Variants in EBF3 observed in about 807,000 individuals in gnomAD.
The protein encoded by EBF3 is transcription factor COE3.
EBF3 carries 18 observed loss-of-function variants against 77.1 expected under a neutral mutation model. The ratio of observed to expected loss-of-function variants is 0.23; its 90% CI spans 0.16 to 0.35. The LOEUF (loss-of-function observed/expected upper bound fraction) is 0.35. Among genes scored for constraint, EBF3 ranks in the 10% least tolerant of loss-of-function variants. The pLI is 1.00. For missense variants in EBF3, 558 were observed against 860.0 expected (o/e 0.65, Z 4.39); for synonymous variants, 350 against 343.5 (o/e 1.02, Z -0.21).
chr10:129,957,474 C>T (rs914574162), intron 5 of EBF3, 148 bp from the exon 6 acceptor site: 11 of 630,090 alleles, frequency 1.7e-5, no homozygotes, highest in African/African-American at 7.4e-5. Flanking sequence ...AGTGAGTTCA[C>T]GTGTTCTGCG....
chr10:129,889,063 T>C (rs547363481), intron 6 of EBF3, among the ~76,000 whole-genome samples: 1 of 152,196 alleles, frequency 6.6e-6, no homozygotes, highest in East Asian at 1.9e-4. Flanking sequence ...CAAGAGCTCA[T>C]GGGAAGGAAC....
At chr10:129,908,521 G>A (rs923273801) in intron 6 of EBF3, among the ~76,000 whole-genome samples, 3 of 152,196 alleles carry the variant, frequency 2.0e-5, no homozygotes, top group Non-Finnish European at 1.5e-5. Context: ...AAGGGGACAC[G>A]GGCTAGAGGA....
intron 6 of EBF3, among the ~76,000 whole-genome samples, chr10:129,930,391 T>G (rs1213488476): frequency 2.6e-5 from 4 of 151,426 alleles, no homozygotes; most frequent in Non-Finnish European, 2.9e-5. Context: ...TACCTATATC[T>G]ATACCTGTCT....
intron 6 of EBF3, among the ~76,000 whole-genome samples, chr10:129,919,113 G>A (rs562171898): frequency 1.7e-4 from 26 of 152,316 alleles, no homozygotes; most frequent in Admixed American, 3.9e-4. Context: ...GGGCGAGTAC[G>A]CAGGTGACCA....
chr10:129,877,952 C>A lies in EBF3; in HGVS notation c.555-103G>T. The A allele has an allele frequency of 2.4e-6, 2 of 835,868 alleles. 1 individual carries two copies. Among genetic ancestry groups the A allele is most frequent in the Non-Finnish European group, 3.7e-6 (2 of 539,154 alleles). The allele number at this position is 835,868 out of a possible 1,614,324, so 51.8% of individuals were successfully genotyped here. A position where few individuals can be genotyped will look rare whatever the true frequency, so the allele number is the denominator to read the frequency against. On this transcript the variant is annotated intron_variant, in intron 6 of 16. Coordinates refer to ENST00000440978, the MANE Select transcript of EBF3 (RefSeq NM_001375380.1). ...GCAGGGAGGAGTGGAGACTCAACCC[C>A]ACAGCTTCCACACTTCCCTCTAGGG...
intron 6 of EBF3, among the ~76,000 whole-genome samples, chr10:129,901,738 A>G (rs933902533): frequency 6.6e-6 from 1 of 152,224 alleles, no homozygotes; most frequent in Non-Finnish European, 1.5e-5. Context: ...ATCCTGTCAC[A>G]TGCACCAAAT....
chr10:129,867,690 A>G, intron 9 of EBF3, 92 bp downstream of exon 9: 1 of 1,565,574 alleles, frequency 6.4e-7, no homozygotes, highest in South Asian at 1.2e-5. Flanking sequence ...AATTTGCCAT[A>G]GGGCACCTTG....
At position 129,840,353 on chromosome 10, in the gene EBF3, C is replaced by A; in HGVS notation, c.1651G>T (p.Ala551Ser). ...TGTTTCACTGCGGAGATGACATTGG[C>A]AGGTGAGAATGAGAAAATGCCGTGT... ...STHGIFSFSP[A>S]NVISAVKQKS... The change falls in exon 15 of 17, where the codon GCC becomes TCC. Residue 551 changes from alanine to serine, a missense_variant. Coordinates refer to ENST00000440978, the MANE Select transcript of EBF3 (RefSeq NM_001375380.1). 6.4e-7 allele frequency: 1 copy of A among 1,571,846 alleles called. No individual in the cohort carries two copies. Among genetic ancestry groups the A allele is most frequent in the South Asian group, 1.2e-5 (1 of 85,596 alleles).
At chr10:129,956,338 A>G (rs1859032746) in intron 6 of EBF3, among the ~76,000 whole-genome samples, 1 of 152,250 alleles carries the variant, frequency 6.6e-6, no homozygotes, top group Non-Finnish European at 1.5e-5. Flanking sequence ...AACTGGTGTC[A>G]TATGTACACG....
At chr10:129,899,627 C>T (rs56077987) in intron 6 of EBF3, among the ~76,000 whole-genome samples, 6 of 151,986 alleles carry the variant, frequency 3.9e-5, no homozygotes, top group Admixed American at 1.3e-4. Flanking sequence ...AAGGCCAGGC[C>T]GGGGAATGGC....
intron 6 of EBF3, among the ~76,000 whole-genome samples, chr10:129,919,941 G>C (rs564600865): frequency 1.3e-5 from 2 of 152,280 alleles, no homozygotes; most frequent in Non-Finnish European, 2.9e-5. Flanking sequence ...AGAGAAAGCC[G>C]CCCGCCCACA....
chr10:129,837,939 G>A lies in EBF3; in HGVS notation c.*4C>T, dbSNP rs774522071. ...GTAAACAGAAGTCCCTCACATTGGC[G>A]GGACTACCAGCCCAGACATAGCTGC... is the stretch of plus-strand genomic sequence containing the variant. On this transcript the variant is annotated 3_prime_UTR_variant, in exon 17 of 17. Transcript: ENST00000440978. 1.7e-5 allele frequency: 27 copies of A among 1,613,996 alleles called. No homozygotes were observed. Among genetic ancestry groups the A allele is most frequent in the African/African-American group, 4.0e-5 (3 of 74,926 alleles).
intron 7 of EBF3, among the ~76,000 whole-genome samples, chr10:129,875,490 C>T (rs1265630483): frequency 6.6e-6 from 1 of 152,144 alleles, no homozygotes; most frequent in Non-Finnish European, 1.5e-5. Flanking sequence ...GCCACCGCGC[C>T]CGGCCGGCTT....
At chr10:129,907,547 G>A (rs1322938165) in intron 6 of EBF3, among the ~76,000 whole-genome samples, 2 of 152,186 alleles carry the variant, frequency 1.3e-5, no homozygotes, top group Non-Finnish European at 2.9e-5. Flanking sequence ...AGGTGCTGTG[G>A]CATTAATAAT....
intron 6 of EBF3, among the ~76,000 whole-genome samples, chr10:129,914,073 C>T (rs1855705747): frequency 6.6e-6 from 1 of 152,176 alleles, no homozygotes; most frequent in Non-Finnish European, 1.5e-5. Flanking sequence ...GTATGAGATC[C>T]CAATGTAAAA....
At chr10:129,921,481 A>G (rs757920871) in intron 6 of EBF3, among the ~76,000 whole-genome samples, 8 of 152,338 alleles carry the variant, frequency 5.3e-5, no homozygotes, top group South Asian at 4.1e-4. Flanking sequence ...ACCCCCGACC[A>G]TGGGGCCTCA....
intron 6 of EBF3, among the ~76,000 whole-genome samples, chr10:129,907,496 G>C (rs981859955): frequency 6.6e-6 from 1 of 152,204 alleles, no homozygotes; most frequent in African/African-American, 2.4e-5. Context: ...GTGATGGTAC[G>C]TGGTGGATCC....
intron 6 of EBF3, among the ~76,000 whole-genome samples, chr10:129,901,604 G>C (rs988819539): frequency 4.6e-5 from 7 of 152,144 alleles, no homozygotes; most frequent in Non-Finnish European, 8.8e-5. Context: ...AATAGGTTTC[G>C]GCAGTTCTCA....
At chr10:129,845,468 T>C (rs1348738784) in intron 11 of EBF3, 3 of 152,244 alleles carry the variant, frequency 2.0e-5, no homozygotes, top group African/African-American at 7.2e-5. Context: ...TCTTGTACAG[T>C]GGTCGACAGC....
Sources: gnomAD v4.1 joint callset for allele counts (sites outside exome capture counted in the v4.1 genomes callset) on GRCh38, gnomAD v4.1.1 for gene constraint, MANE v1.5 for transcripts, NCBI Gene and HGNC (gene_info 2026-07-23, HGNC 2026-07-21) for gene names.